Variants in MYO9B observed in about 807,000 individuals in gnomAD.
MYO9B encodes the protein myosin IXB.
A neutral mutation model predicts 229.5 loss-of-function variants in MYO9B; 71 were observed. The ratio of observed to expected loss-of-function variants is 0.31; its 90% confidence interval spans 0.26 to 0.38. MYO9B has a LOEUF of 0.38. Among genes scored for constraint, MYO9B ranks in the 10% least tolerant of loss-of-function variants. MYO9B has a pLI of 1.00. For missense variants in MYO9B, 2,255 were observed against 2,920.5 expected (o/e 0.77, Z 5.25); for synonymous variants, 1,185 against 1,235.8 (o/e 0.96, Z 0.86).
intron 2 of MYO9B, among the ~76,000 whole-genome samples, chr19:17,122,644 G>A (rs866245515): frequency 3.3e-5 from 5 of 152,332 alleles, no homozygotes; most frequent in South Asian, 2.1e-4. Context: ...AGATGCTCAG[G>A]AGGCTGAGAC....
chr19:17,154,362 G>A lies in MYO9B; in HGVS notation c.1146G>A (p.Glu382=), dbSNP rs1020629073. ...EDGEDLKHDF[E]RLKQAMEMVG... ...GGGAGGACCTGAAGCATGACTTTGA[G>A]AGGCTCAAGCAGGCCATGGAGATGG... The change falls in exon 6 of 40, where the codon GAG becomes GAA. Residue 382 remains glutamate (E), a synonymous_variant. Transcript: ENST00000682292. The A allele has an allele frequency of 6.2e-7, 1 of 1,613,336 alleles. No individual in the cohort carries two copies. The highest frequency in any genetic ancestry group is 1.3e-5 in the African/African-American group (1 of 74,908).
chr19:17,162,862 T>G, intron 9 of MYO9B, 126 bp from the exon 10 acceptor site: 1 of 1,056,244 alleles, frequency 9.5e-7, no homozygotes, highest in Non-Finnish European at 1.3e-6. Context: ...AATGGCAAAG[T>G]GTTCTGCCGA....
In MYO9B at chr19:17,105,728, A is replaced by T. The variant is rs534293068; in HGVS notation, c.840+3171A>T. Among the ~76,000 whole-genome samples, 3 of 152,068 alleles carry T rather than the reference A, an allele frequency of 2.0e-5. No homozygotes were observed. The South Asian group carries it at 6.2e-4, about 32-fold the overall frequency. Reference sequence around the variant, plus strand: ...AAGCTGAGGGCTGCCATGCAAATTCACTGAAATCACATCTAAGCAGTGCCT... The same window carrying T: ...AAGCTGAGGGCTGCCATGCAAATTCTCTGAAATCACATCTAAGCAGTGCCT... On this transcript the variant is annotated intron_variant, in intron 2 of 39. Transcript: ENST00000682292.
At chr19:17,148,570 T>C (rs2072441698) in intron 3 of MYO9B, among the ~76,000 whole-genome samples, 1 of 152,140 alleles carries the variant, frequency 6.6e-6, no homozygotes, top group Admixed American at 6.6e-5. Context: ...AGGTGGCATG[T>C]GTCTCTCCTC....
rs762662289 is a variant in MYO9B at position 17,206,732 on chromosome 19, C to T, written c.5440C>T (p.Leu1814Phe). ...TGCCATCTATGCCGTCCTGGAGCAC[C>T]TTCCAGAAGCCAACCACAACTCCCT... Reference protein sequence around the residue: ...LAAIYAVLEHLPEANHNSLER... With the variant: ...LAAIYAVLEHFPEANHNSLER... Residue 1814 changes from leucine (L) to phenylalanine (F), a missense_variant, in exon 34 of 40, where the codon CTT becomes TTT. By Grantham distance (22) the Leu-to-Phe change is conservative. Transcript: ENST00000682292. The T allele has an allele frequency of 1.3e-6, 2 of 1,591,746 alleles. No homozygotes were observed. Among genetic ancestry groups the T allele is most frequent in the Non-Finnish European group, 1.7e-6 (2 of 1,169,982 alleles).
chr19:17,135,048 G>C (rs541628739), intron 2 of MYO9B, among the ~76,000 whole-genome samples: 40 of 152,308 alleles, frequency 2.6e-4, no homozygotes, highest in Admixed American at 3.3e-4. Context: ...ACAGGAGTGA[G>C]CCACTGAACC....
intron 2 of MYO9B, 30 bp downstream of exon 2, chr19:17,102,587 A>G: frequency 6.6e-7 from 1 of 1,524,776 alleles, no homozygotes; most frequent in Non-Finnish European, 8.8e-7. Flanking sequence ...GGTCTGTGGG[A>G]GGGGGCATTT....
At chr19:17,189,700 CTG>C (rs1453770091) in intron 19 of MYO9B, among the ~76,000 whole-genome samples, 1 of 152,064 alleles carries the variant, frequency 6.6e-6, no homozygotes, top group Non-Finnish European at 1.5e-5. Context: ...GCAAGGGTGA[CTG>C]TGGTTCCCAG....
chr19:17,162,895 C>G (rs1049599977), intron 9 of MYO9B, 93 bp from the exon 10 acceptor site: 2 of 1,388,792 alleles, frequency 1.4e-6, no homozygotes, highest in Admixed American at 4.9e-5. Context: ...GGGGACCTAA[C>G]AGGTCACAGC....
intron 36 of MYO9B, 94 bp downstream of exon 36, chr19:17,209,803 C>T (rs1214544079): frequency 8.9e-7 from 1 of 1,120,236 alleles, no homozygotes; most frequent in Non-Finnish European, 1.2e-6. Flanking sequence ...GCTGGGAAGG[C>T]TGGTGAGTGG....
chr19:17,094,686 A>G (rs1219713948), intron 1 of MYO9B, among the ~76,000 whole-genome samples: 4 of 152,244 alleles, frequency 2.6e-5, no homozygotes, highest in Admixed American at 2.6e-4. Context: ...TTAAACCTGT[A>G]ATCCCAGCAC....
At chr19:17,205,680 G>A (rs1002105615) in intron 31 of MYO9B, among the ~76,000 whole-genome samples, 4 of 152,156 alleles carry the variant, frequency 2.6e-5, no homozygotes, top group Non-Finnish European at 5.9e-5. Context: ...GTCTACTTCT[G>A]TGAGGTGGCT....
Position 17,209,693 on chromosome 19 carries a change from T to G in MYO9B, c.5732T>G (p.Leu1911Arg), listed in dbSNP as rs765249272. 4.3e-6 allele frequency: 7 copies of G among 1,613,626 alleles called. No homozygotes were observed. Among genetic ancestry groups the G allele is most frequent in the East Asian group, 2.2e-5 (1 of 44,894 alleles). Reference protein sequence around the residue: ...AESIAFRRLSLLRQNAPWPLK... With the variant: ...AESIAFRRLSRLRQNAPWPLK... ...AGTATCGCCTTCCGCAGGCTTTCGC[T>G]CCTGCGACAAAATGCTGTGAGTACC... Residue 1911 changes from leucine to arginine, a missense_variant, in exon 36 of 40, where the codon CTC becomes CGC. Leu to Arg is a moderately radical substitution (Grantham distance 102). Coordinates refer to ENST00000682292, the MANE Select transcript of MYO9B (RefSeq NM_004145.4).
intron 1 of MYO9B, among the ~76,000 whole-genome samples, chr19:17,088,359 C>T (rs1019655269): frequency 2.6e-5 from 4 of 152,234 alleles, no homozygotes; most frequent in South Asian, 2.1e-4. Context: ...CCCCAAAGGC[C>T]TTATTTCCAA....
chr19:17,180,611 A>C, intron 14 of MYO9B: 1 of 186,354 alleles, frequency 5.4e-6, no homozygotes, highest in South Asian at 1.5e-4. Context: ...CGGCCTCTCA[A>C]AGTGCTGGGA....
intron 1 of MYO9B, among the ~76,000 whole-genome samples, chr19:17,085,917 T>C (rs1014462892): frequency 9.2e-5 from 14 of 152,098 alleles, no homozygotes; most frequent in African/African-American, 3.1e-4. Context: ...CTGCCCTCCC[T>C]ATCTTCGTTA....
chr19:17,150,575 C>CGCCTCT (rs1240924368), intron 3 of MYO9B, among the ~76,000 whole-genome samples: 18 of 98,972 alleles, frequency 1.8e-4, no homozygotes, highest in Non-Finnish European at 3.7e-4. Flanking sequence ...AGTGAGCTCA[C>CGCCTCT]ATGTCTGGTG....
At chr19:17,076,679 C>T (rs1356746040) in intron 1 of MYO9B, among the ~76,000 whole-genome samples, 2 of 152,106 alleles carry the variant, frequency 1.3e-5, no homozygotes, top group African/African-American at 2.4e-5. Context: ...TGCCAGTGTC[C>T]TCGTCTTGGA....
rs746182468 is a variant in MYO9B at position 17,206,094 on chromosome 19, C to T, written c.5199C>T (p.Leu1733=). The T allele has an allele frequency of 6.2e-7, 1 of 1,607,890 alleles. No individual in the cohort carries two copies. Among genetic ancestry groups the T allele is most frequent in the Admixed American group, 1.7e-5 (1 of 59,832 alleles). The change falls in exon 32 of 40, where the codon CTC becomes CTT. Residue 1733 remains leucine, a synonymous_variant. Coordinates refer to ENST00000682292, the MANE Select transcript of MYO9B (RefSeq NM_004145.4). ...TGCACGGCCTGTACACCGAGGGCCT[C>T]TACCGCAAGTCGGGTGCTGCCAACC... is the stretch of plus-strand genomic sequence containing the variant. ...VEMHGLYTEG[L]YRKSGAANRT...
Sources: allele counts gnomAD v4.1 joint callset (sites outside exome capture counted in the v4.1 genomes callset), GRCh38; gene constraint gnomAD v4.1.1; transcripts MANE v1.5; gene names NCBI Gene and HGNC (gene_info 2026-07-23, HGNC 2026-07-21).